The following SV2B variants were observed in gnomAD, a reference collection of about 807,000 sequenced individuals.
The protein encoded by SV2B is synaptic vesicle glycoprotein 2B, also known as solute carrier family 22 member B2.
A neutral mutation model predicts 73.9 loss-of-function variants in SV2B; 41 were observed. The observed-to-expected ratio is 0.56, with a 90% CI of 0.43 to 0.72. The LOEUF (loss-of-function observed/expected upper bound fraction) is 0.72, where lower values mean the gene tolerates loss of function less well. Ranked by LOEUF, SV2B falls within the 30% of genes least tolerant of loss-of-function variation. SV2B has a pLI of 0.00. For synonymous variants in SV2B, 314 were observed against 314.2 expected (o/e 1.00, Z 0.01); for missense variants, 764 against 857.8 (o/e 0.89, Z 1.37).
At chr15:91,205,912 A>T (rs764265814) in intron 1 of SV2B, among the ~76,000 whole-genome samples, 3 of 152,256 alleles carry the variant, frequency 2.0e-5, no homozygotes, top group Non-Finnish European at 4.4e-5. Flanking sequence ...CAGCTGTGTT[A>T]GGTGAGTCAG....
chr15:91,272,885 T>C (rs928985424), intron 9 of SV2B, among the ~76,000 whole-genome samples: 1 of 142,302 alleles, frequency 7.0e-6, no homozygotes, highest in Non-Finnish European at 1.5e-5. Flanking sequence ...CAGTCTGGAG[T>C]GCATTGGCAT....
intron 1 of SV2B, among the ~76,000 whole-genome samples, chr15:91,149,435 C>T (rs2043242914): frequency 6.6e-6 from 1 of 152,214 alleles, no homozygotes; most frequent in African/African-American, 2.4e-5. Flanking sequence ...TTCTAAGTCT[C>T]AGATGTTTTG....
intron 1 of SV2B, among the ~76,000 whole-genome samples, chr15:91,184,126 A>G (rs1401579814): frequency 6.6e-6 from 1 of 152,210 alleles, no homozygotes; most frequent in Non-Finnish European, 1.5e-5. Flanking sequence ...TTTCTTATTC[A>G]TCTCTGTTGC....
In SV2B at chr15:91,290,597, C is replaced by T. The variant is rs977751281; in HGVS notation, c.1868+917C>T. 2.0e-5 allele frequency among the ~76,000 whole-genome samples: 3 copies of T among 151,698 alleles called. No homozygotes were observed. Among genetic ancestry groups the T allele is most frequent in the Non-Finnish European group, 4.4e-5 (3 of 67,952 alleles). On this transcript the variant is annotated intron_variant, in intron 12 of 12. Transcript: ENST00000394232. The surrounding 1 kb of genome is among the most constrained non-coding windows in gnomAD (Gnocchi z 4.7). ...ATTATGTATAGGTTTTAAAATATAT[C>T]GAAAAAGTTAAAGATGCAATTGATA...
rs1203247405 is a variant in SV2B at position 91,294,195 on chromosome 15, C to T, written c.*1643C>T. 3 of 152,178 alleles carry T rather than the reference C, an allele frequency of 2.0e-5. No individual in the cohort carries two copies. Among genetic ancestry groups the T allele is most frequent in the Non-Finnish European group, 4.4e-5 (3 of 68,030 alleles). 9.4% of individuals were successfully genotyped at this position (152,178 alleles called of 1,614,324 possible). Reference sequence around the variant, plus strand: ...TAAAACAGAATAATAATGGCTATATCGAGTGTTTTCTCAGTATTGGAGAAA... The same window carrying T: ...TAAAACAGAATAATAATGGCTATATTGAGTGTTTTCTCAGTATTGGAGAAA... On this transcript the variant is annotated 3_prime_UTR_variant, in exon 13 of 13. Transcript: ENST00000394232. This position sits in a 1 kb window ranked among gnomAD's most constrained non-coding sequence, Gnocchi z 4.1.
intron 1 of SV2B, among the ~76,000 whole-genome samples, chr15:91,111,352 T>C (rs1030017277): frequency 8.5e-5 from 13 of 152,186 alleles, no homozygotes; most frequent in Admixed American, 8.5e-4. Context: ...TGTGGTTCTT[T>C]GAGATGGTGC....
At position 91,290,994 on chromosome 15, in the gene SV2B, A is replaced by C. The variant is rs1452101065; in HGVS notation, c.1868+1314A>C. Among the ~76,000 whole-genome samples, 1 of 151,792 alleles carries C rather than the reference A, an allele frequency of 6.6e-6. No homozygotes were observed. Among genetic ancestry groups the C allele is most frequent in the Non-Finnish European group, 1.5e-5 (1 of 67,972 alleles). On this transcript the variant is annotated intron_variant, in intron 12 of 12. Coordinates refer to ENST00000394232, the MANE Select transcript of SV2B (RefSeq NM_001323032.3). The surrounding 1 kb of genome is among the most constrained non-coding windows in gnomAD (Gnocchi z 4.7). ...ACAACACTGCACACCAACCTGGGTG[A>C]CAGAGACAGACCCTGTCTCAGAAAA...
rs541660631 is a variant in SV2B at position 91,140,194 on chromosome 15, C to G, written c.-392+39831C>G. On this transcript the variant is annotated intron_variant, in intron 1 of 12. Transcript: ENST00000394232. This position sits in a 1 kb window ranked among gnomAD's most constrained non-coding sequence, Gnocchi z 4.4. ...TCCATCCAGCTATTAACAAACATTC[C>G]GTGAGTATCACAATGCTCATTATTT... is the stretch of plus-strand genomic sequence containing the variant. Among the ~76,000 whole-genome samples, 3 of 152,186 alleles carry G rather than the reference C, an allele frequency of 2.0e-5. No individual in the cohort carries two copies. Among genetic ancestry groups the G allele is most frequent in the African/African-American group, 7.2e-5 (3 of 41,436 alleles).
chr15:91,264,423 G>A (rs931083611), intron 6 of SV2B, among the ~76,000 whole-genome samples: 1 of 152,218 alleles, frequency 6.6e-6, no homozygotes, highest in Non-Finnish European at 1.5e-5. Flanking sequence ...TTTATAGGTC[G>A]AACATGGAAG....
intron 1 of SV2B, among the ~76,000 whole-genome samples, chr15:91,153,906 C>T (rs2043398544): frequency 6.6e-6 from 1 of 152,040 alleles, no homozygotes; most frequent in Admixed American, 6.6e-5. Context: ...TGAGGTGTGT[C>T]TGAGGTTTCT....
chr15:91,258,581 G>A lies in SV2B; in HGVS notation c.918+27G>A, dbSNP rs774150737. On this transcript the variant is annotated intron_variant, in intron 5 of 12. Coordinates refer to ENST00000394232, the MANE Select transcript of SV2B (RefSeq NM_001323032.3). The surrounding 1 kb of genome is among the most constrained non-coding windows in gnomAD (Gnocchi z 4.7). ...TGAGTCAGTGCTTTTCCACCAGGGG[G>A]AGAGTGACAAAACAGCCACAGGAAC... 9 of 1,612,210 alleles carry A rather than the reference G, an allele frequency of 5.6e-6. No homozygotes were observed. The African/African-American group carries it at 9.4e-5, about 17-fold the overall frequency.
At chr15:91,189,954 C>T (rs1168232276) in intron 1 of SV2B, among the ~76,000 whole-genome samples, 1 of 151,740 alleles carries the variant, frequency 6.6e-6, no homozygotes, top group Non-Finnish European at 1.5e-5. Flanking sequence ...CGCCACTGCA[C>T]TCCAGCCTGG....
At chr15:91,201,684 A>G (rs1428274311) in intron 1 of SV2B, among the ~76,000 whole-genome samples, 1 of 152,142 alleles carries the variant, frequency 6.6e-6, no homozygotes, top group Non-Finnish European at 1.5e-5. Context: ...CAGGCCCCAA[A>G]TCTGGGAGTC....
chr15:91,172,584 C>T (rs1007066305), intron 1 of SV2B, among the ~76,000 whole-genome samples: 3 of 152,202 alleles, frequency 2.0e-5, no homozygotes, highest in Admixed American at 6.5e-5. Flanking sequence ...GAGGCCCCCA[C>T]AGCCTCTCTG....
chr15:91,185,192 C>T (rs1200152809), intron 1 of SV2B, among the ~76,000 whole-genome samples: 1 of 152,194 alleles, frequency 6.6e-6, no homozygotes, highest in Non-Finnish European at 1.5e-5. Context: ...ACCTCAGCGT[C>T]CCAAGTAGCT....
intron 2 of SV2B, among the ~76,000 whole-genome samples, chr15:91,249,884 C>T (rs11853103): frequency 0.17 from 26,462 of 152,080 alleles, 2,800 homozygotes; most frequent in African/African-American, 0.31. Context: ...AACCTCTCGA[C>T]GAAGAAAAGC....
intron 1 of SV2B, among the ~76,000 whole-genome samples, chr15:91,189,598 C>A (rs2044921764): frequency 6.6e-6 from 1 of 152,208 alleles, no homozygotes; most frequent in African/African-American, 2.4e-5. Flanking sequence ...CCATCTCACA[C>A]ATAAATTTGG....
At chr15:91,216,746 G>A (rs2046041771) in intron 1 of SV2B, among the ~76,000 whole-genome samples, 1 of 149,066 alleles carries the variant, frequency 6.7e-6, no homozygotes, top group Admixed American at 6.6e-5. Flanking sequence ...GCTAGCCACT[G>A]TACCTGGCAA....
At chr15:91,278,657 C>A (rs925099117) in intron 9 of SV2B, among the ~76,000 whole-genome samples, 4 of 78,458 alleles carry the variant, frequency 5.1e-5, no homozygotes, top group Non-Finnish European at 9.5e-5. Context: ...CCGGCCTGGG[C>A]GACAGAGCGA....
Sources: allele counts gnomAD v4.1 joint callset (sites outside exome capture counted in the v4.1 genomes callset), GRCh38; gene constraint gnomAD v4.1.1; non-coding constraint Gnocchi (gnomAD v3.1); transcripts MANE v1.5; gene names NCBI Gene and HGNC (gene_info 2026-07-23, HGNC 2026-07-21).